AGTPBP1: variants seen among roughly 807,000 people sequenced by gnomAD.
AGTPBP1 encodes ATP/GTP binding carboxypeptidase 1.
In AGTPBP1, 70 loss-of-function variants were observed where a neutral mutation model predicts 143.9. The observed-to-expected ratio is 0.49, with a 90% CI of 0.40 to 0.59. AGTPBP1 has a LOEUF of 0.59. Ranked by LOEUF, AGTPBP1 falls within the 20% of genes least tolerant of loss-of-function variation. The probability of loss-of-function intolerance (pLI) is 0.00; values close to 1 mark genes in which losing one functional copy is unlikely to be tolerated. For synonymous variants in AGTPBP1, 463 were observed against 500.2 expected, an observed-to-expected ratio of 0.93 and a Z score of 0.99; for missense variants, 1,229 against 1,464.5, an observed-to-expected ratio of 0.84 and a Z score of 2.62.
At chr9:85,741,275 T>C (rs1824244917) in intron 1 of AGTPBP1, 1 of 985,356 alleles carries the variant, frequency 1.0e-6, no homozygotes, top group Non-Finnish European at 1.2e-6. Flanking sequence ...AATCCCACCT[T>C]GCTGGCGCTC....
the AGTPBP1 span, among the ~76,000 whole-genome samples, chr9:85,783,972 T>C: frequency 7.2e-5 from 11 of 152,242 alleles, no homozygotes; most frequent in South Asian, 2.3e-3. Flanking sequence ...TATATTTTCT[T>C]TGAATATTTT....
At chr9:85,634,659 A>AT (rs1831916608) in intron 13 of AGTPBP1, among the ~76,000 whole-genome samples, 1 of 152,154 alleles carries the variant, frequency 6.6e-6, no homozygotes, top group Non-Finnish European at 1.5e-5. Flanking sequence ...TCTTTTTTGG[A>AT]TGATTTAAAC....
chr9:85,583,215 C>T (rs10125967), intron 23 of AGTPBP1, among the ~76,000 whole-genome samples: 186 of 152,290 alleles, frequency 1.2e-3, no homozygotes, highest in African/African-American at 4.1e-3. Context: ...GCGCTACCTT[C>T]GACTTCTGAT....
chr9:85,618,760 A>G (rs1830738766), intron 17 of AGTPBP1, among the ~76,000 whole-genome samples: 1 of 152,220 alleles, frequency 6.6e-6, no homozygotes, highest in Non-Finnish European at 1.5e-5. Context: ...TTTGGATGAA[A>G]TCAACCATTA....
At chr9:85,751,340 T>A in the AGTPBP1 span, among the ~76,000 whole-genome samples, 2 of 152,252 alleles carry the variant, frequency 1.3e-5, no homozygotes, top group Non-Finnish European at 2.9e-5. Flanking sequence ...CTAACACTTT[T>A]ATAAAACATG....
chr9:85,756,770 GA>G, the AGTPBP1 span, among the ~76,000 whole-genome samples: 1 of 152,052 alleles, frequency 6.6e-6, no homozygotes, highest in African/African-American at 2.4e-5. Context: ...CAATAGAAGG[GA>G]ATGAAGTAGT....
intron 25 of AGTPBP1, chr9:85,553,921 T>A (rs1826178459): frequency 6.6e-6 from 1 of 152,134 alleles, no homozygotes; most frequent in African/African-American, 2.4e-5. Flanking sequence ...CATAAAAGGA[T>A]CATAATACCA....
intron 3 of AGTPBP1, among the ~76,000 whole-genome samples, chr9:85,684,786 T>C (rs1418069463): frequency 6.6e-6 from 1 of 152,166 alleles, no homozygotes; most frequent in Non-Finnish European, 1.5e-5. Flanking sequence ...CCCAGTTATC[T>C]TAATGCTGTA....
At chr9:85,657,733 G>T in intron 9 of AGTPBP1, 90 bp from the exon 10 acceptor site, 4 of 809,668 alleles carry the variant, frequency 4.9e-6, no homozygotes, top group Non-Finnish European at 7.6e-6. Context: ...CCTCAATATT[G>T]TGATGGATAC....
intron 19 of AGTPBP1, among the ~76,000 whole-genome samples, chr9:85,591,165 T>C (rs1381383089): frequency 1.4e-5 from 2 of 144,734 alleles, no homozygotes; most frequent in African/African-American, 2.6e-5. Flanking sequence ...ATACTTCAAA[T>C]AGTATGTGGA....
intron 24 of AGTPBP1, 103 bp from the exon 25 acceptor site, chr9:85,575,578 A>G: frequency 1.1e-6 from 1 of 948,960 alleles, no homozygotes. Context: ...TATTAATAAA[A>G]TTAAAAGGCT....
chr9:85,583,613 C>T lies in AGTPBP1; in HGVS notation c.3165+1850G>A, dbSNP rs182454049. 5.5e-4 allele frequency among the ~76,000 whole-genome samples: 83 copies of T among 152,042 alleles called. 1 individual carries two copies. In the East Asian group the frequency reaches 0.015, roughly 27 times the overall value. On this transcript the variant is annotated intron_variant, in intron 23 of 25. Coordinates refer to ENST00000357081, the MANE Select transcript of AGTPBP1 (RefSeq NM_001330701.2). ...ATTAATCAAATAAAGAAATCTGAGA[C>T]AAGATAATTTTAATGAAAAAAACTG...
intron 14 of AGTPBP1, 36 bp from the exon 15 acceptor site, chr9:85,621,321 A>G: frequency 9.6e-7 from 1 of 1,037,804 alleles, no homozygotes; most frequent in Non-Finnish European, 1.3e-6. Context: ...ATATATTATT[A>G]TACACTAATG....
chr9:85,790,296 A>C, the AGTPBP1 span, among the ~76,000 whole-genome samples: 1 of 152,284 alleles, frequency 6.6e-6, no homozygotes, highest in Non-Finnish European at 1.5e-5. Context: ...AATAAGGAGA[A>C]GTATTTTATC....
chr9:85,672,919 G>A (rs1834581105), intron 6 of AGTPBP1, among the ~76,000 whole-genome samples: 1 of 151,710 alleles, frequency 6.6e-6, no homozygotes, highest in African/African-American at 2.4e-5. Context: ...ATTTTTAGTG[G>A]AGACGGGCTT....
intron 17 of AGTPBP1, among the ~76,000 whole-genome samples, chr9:85,598,777 T>C (rs970875722): frequency 2.0e-5 from 3 of 152,194 alleles, no homozygotes; most frequent in African/African-American, 7.2e-5. Context: ...TGAAGTGCAA[T>C]GGTGCGATCT....
the AGTPBP1 span, among the ~76,000 whole-genome samples, chr9:85,800,024 G>C: frequency 2.0e-5 from 3 of 152,164 alleles, no homozygotes; most frequent in Non-Finnish European, 2.9e-5. Flanking sequence ...TCTCTTGAAA[G>C]GATCCCAGCA....
At chr9:85,607,320 T>C (rs945221588) in intron 17 of AGTPBP1, among the ~76,000 whole-genome samples, 2 of 152,096 alleles carry the variant, frequency 1.3e-5, no homozygotes, top group African/African-American at 2.4e-5. Flanking sequence ...TAAAACAATG[T>C]ATTCTCATAT....
At chr9:85,742,750 T>C (rs941161373), upstream of AGTPBP1, among the ~76,000 whole-genome samples, 2 of 152,224 alleles carry the variant, frequency 1.3e-5, no homozygotes, top group African/African-American at 4.8e-5. Flanking sequence ...CCCCCTTCTG[T>C]TTTGACTGTA....
Sources: gnomAD v4.1 joint callset for allele counts (sites outside exome capture counted in the v4.1 genomes callset) on GRCh38, gnomAD v4.1.1 for gene constraint, MANE v1.5 for transcripts, NCBI Gene and HGNC (gene_info 2026-07-23, HGNC 2026-07-21) for gene names.